PHACTR2: variants seen among roughly 807,000 people sequenced by gnomAD.
PHACTR2 encodes the protein chromosome 6 open reading frame 56.
In PHACTR2, 30 loss-of-function variants were observed where a neutral mutation model predicts 76.0. That is an observed-to-expected ratio of 0.39 (90% CI 0.30 to 0.54). The LOEUF (loss-of-function observed/expected upper bound fraction) is 0.54. Ranked by LOEUF, PHACTR2 falls within the 20% of genes least tolerant of loss-of-function variation. PHACTR2 has a pLI of 0.61. For missense variants in PHACTR2, 696 were observed against 781.1 expected (o/e 0.89, Z 1.30); for synonymous variants, 292 against 292.5 (o/e 1.00, Z 0.02).
At chr6:143,732,379 A>G (rs1055191217) in intron 2 of PHACTR2, among the ~76,000 whole-genome samples, 1 of 152,222 alleles carries the variant, frequency 6.6e-6, no homozygotes, top group African/African-American at 2.4e-5. Context: ...CATACAATAC[A>G]TATGTGGTCT....
intron 2 of PHACTR2, among the ~76,000 whole-genome samples, chr6:143,737,770 G>A (rs982644408): frequency 3.9e-5 from 6 of 152,130 alleles, no homozygotes; most frequent in African/African-American, 1.4e-4. Context: ...ATCACTGCAG[G>A]GTTGGGCAGG....
intron 6 of PHACTR2, among the ~76,000 whole-genome samples, chr6:143,766,751 C>G (rs753582960): frequency 1.3e-5 from 2 of 152,212 alleles, no homozygotes; most frequent in Admixed American, 6.5e-5. Flanking sequence ...GGTCCTCATT[C>G]TCTTTCATTC....
rs1212515243 is a variant in PHACTR2 at position 143,800,046 on chromosome 6, T to C, written c.1846-7011T>C. ...TCTTTGTAAGTCTCTAAGAACTTGCTTTATGAATCTGGTGCTCGTGTACTG... is the reference window on the plus strand; with the variant it reads ...TCTTTGTAAGTCTCTAAGAACTTGCCTTATGAATCTGGTGCTCGTGTACTG... On this transcript the variant is annotated intron_variant, in intron 11 of 12. Transcript: ENST00000440869. This position sits in a 1 kb window ranked among gnomAD's most constrained non-coding sequence, Gnocchi z 4.8. 6.6e-6 allele frequency among the ~76,000 whole-genome samples: 1 copy of C among 152,224 alleles called. No homozygotes were observed. The highest frequency in any genetic ancestry group is 2.4e-5 in the African/African-American group (1 of 41,450).
At chr6:143,651,223 C>G (rs991402830) in intron 1 of PHACTR2, among the ~76,000 whole-genome samples, 1 of 152,102 alleles carries the variant, frequency 6.6e-6, no homozygotes, top group Non-Finnish European at 1.5e-5. Flanking sequence ...GAAAAAGGAA[C>G]ACTCTTACAC....
At chr6:143,574,021 G>C (rs1045061730) in intron 1 of PHACTR2, among the ~76,000 whole-genome samples, 2 of 152,236 alleles carry the variant, frequency 1.3e-5, no homozygotes, top group African/African-American at 4.8e-5. Context: ...TCTCTGCTTA[G>C]GGTCTTGCCA....
Position 143,811,969 on chromosome 6 carries a change from A to T in PHACTR2, c.1922+4836A>T, listed in dbSNP as rs930342011. Among the ~76,000 whole-genome samples, 2 of 152,198 alleles carry T rather than the reference A, an allele frequency of 1.3e-5. No homozygotes were observed. Among genetic ancestry groups the T allele is most frequent in the African/African-American group, 4.8e-5 (2 of 41,448 alleles). On this transcript the variant is annotated intron_variant, in intron 12 of 12. Coordinates refer to ENST00000440869, the MANE Select transcript of PHACTR2 (RefSeq NM_001100164.2). The surrounding 1 kb of genome is among the most constrained non-coding windows in gnomAD (Gnocchi z 4.1). ...ACCTTGCCCTTTCAATGCAACCTAG[A>T]TACACAGCAGCTCTCCTTTCCTCTT...
At position 143,543,516 on chromosome 6, in the gene PHACTR2, G is replaced by A. The variant is rs1048850901; in HGVS notation, c.217+6309G>A. 2.0e-5 allele frequency among the ~76,000 whole-genome samples: 3 copies of A among 152,178 alleles called. No individual in the cohort carries two copies. The highest frequency in any genetic ancestry group is 2.1e-4 in the South Asian group (1 of 4,818). ...GCCTGGGGGAGAACCTAGGATGGTC[G>A]GCTATAGGGAATGGCTGTGGGGAGA... On this transcript the variant is annotated intron_variant, in intron 1 of 11. Coordinates refer to the PHACTR2 transcript ENST00000367584. The surrounding 1 kb of genome is among the most constrained non-coding windows in gnomAD (Gnocchi z 4.7).
intron 1 of PHACTR2, among the ~76,000 whole-genome samples, chr6:143,626,047 G>A (rs562156199): frequency 2.2e-4 from 34 of 152,164 alleles, no homozygotes; most frequent in African/African-American, 7.7e-4. Context: ...AGTTTCAGGT[G>A]AACGCTATTT....
At position 143,537,117 on chromosome 6, in the gene PHACTR2, G is replaced by C; in HGVS notation, c.127G>C (p.Gly43Arg). The C allele has an allele frequency of 3.3e-6, 1 of 301,162 alleles. No individual in the cohort carries two copies. 18.7% of individuals were successfully genotyped at this position (301,162 alleles called of 1,614,324 possible). A position where few individuals can be genotyped will look rare whatever the true frequency, so the allele number is the denominator to read the frequency against. Residue 43 changes from glycine (G) to arginine (R), a missense_variant, in exon 1 of 12, where the codon GGG (glycine) becomes CGG (arginine). Physicochemically the swap from Gly to Arg is moderately radical, Grantham distance 125. Coordinates refer to the PHACTR2 transcript ENST00000367584. This position sits in a 1 kb window ranked among gnomAD's most constrained non-coding sequence, Gnocchi z 4.4. Reference sequence around the variant, plus strand: ...GGCGCCTGCCCTGCGCTGGCTTCCCGGGGACCCGAGCCCCCGCGGCCGCTC... The same window carrying C: ...GGCGCCTGCCCTGCGCTGGCTTCCCCGGGACCCGAGCCCCCGCGGCCGCTC...
At position 143,557,552 on chromosome 6, in the gene PHACTR2, C is replaced by T. The variant is rs559292690; in HGVS notation, c.217+20345C>T. The T allele has an allele frequency of 8.5e-5, 13 of 152,282 alleles. No individual in the cohort carries two copies. The East Asian group carries it at 1.6e-3, about 18-fold the overall frequency. 9.4% of individuals were successfully genotyped at this position (152,282 alleles called of 1,614,324 possible). On this transcript the variant is annotated intron_variant, in intron 1 of 11. Transcript: ENST00000367584. The surrounding 1 kb of genome is among the most constrained non-coding windows in gnomAD (Gnocchi z 5.5). ...ATACCTTCCTGCTAAGATGGCTCACCCTCACCACACAGGGTCTCGATTTTT... is the reference window on the plus strand; with the variant it reads ...ATACCTTCCTGCTAAGATGGCTCACTCTCACCACACAGGGTCTCGATTTTT...
chr6:143,564,722 A>G (rs1337494211), intron 1 of PHACTR2, among the ~76,000 whole-genome samples: 1 of 152,204 alleles, frequency 6.6e-6, no homozygotes, highest in East Asian at 1.9e-4. Context: ...ATCGGACGGC[A>G]GTTCTCGGAA....
chr6:143,688,404 T>C lies in PHACTR2; in HGVS notation c.46+10195T>C, dbSNP rs1236485490. ...ACTCTCAACTCCCAGAGTTACCCAG[T>C]TTGTGTCTGCAACTCTGACCTTTCT... On this transcript the variant is annotated intron_variant, in intron 1 of 12. Coordinates refer to ENST00000440869, the MANE Select transcript of PHACTR2 (RefSeq NM_001100164.2). This position sits in a 1 kb window ranked among gnomAD's most constrained non-coding sequence, Gnocchi z 5.2. Among the ~76,000 whole-genome samples, 1 of 152,014 alleles carries C rather than the reference T, an allele frequency of 6.6e-6. No individual in the cohort carries two copies. Among genetic ancestry groups the C allele is most frequent in the Non-Finnish European group, 1.5e-5 (1 of 68,026 alleles).
intron 1 of PHACTR2, among the ~76,000 whole-genome samples, chr6:143,705,717 TA>T (rs1303841598): frequency 6.6e-6 from 1 of 152,218 alleles, no homozygotes; most frequent in Non-Finnish European, 1.5e-5. Context: ...CCATTCTCCT[TA>T]TATCATATCA....
In PHACTR2 at chr6:143,580,508, C is replaced by G. The variant is rs1261621970; in HGVS notation, c.217+43301C>G. 1.3e-5 allele frequency among the ~76,000 whole-genome samples: 1 copy of G among 74,552 alleles called. No homozygotes were observed. Among genetic ancestry groups the G allele is most frequent in the Non-Finnish European group, 2.7e-5 (1 of 36,472 alleles). The allele number at this position is 74,552 out of a possible 152,430, so 48.9% of individuals were successfully genotyped here. A position where few individuals can be genotyped will look rare whatever the true frequency, so the allele number is the denominator to read the frequency against. On this transcript the variant is annotated intron_variant, in intron 1 of 11. Coordinates refer to the PHACTR2 transcript ENST00000367584. The surrounding 1 kb of genome is among the most constrained non-coding windows in gnomAD (Gnocchi z 4.2). ...TCAAACAAAACAAAACAAAACAAAA[C>G]AAAAAATACAAACAATTAGCTGGGC...
rs1775771314 is a variant in PHACTR2, at chr6:143,597,872, C to A, written c.217+60665C>A. 6.6e-6 allele frequency among the ~76,000 whole-genome samples: 1 copy of A among 152,152 alleles called. No homozygotes were observed. The highest frequency in any genetic ancestry group is 2.4e-5 in the African/African-American group (1 of 41,440). On this transcript the variant is annotated intron_variant, in intron 1 of 11. Transcript: ENST00000367584. The surrounding 1 kb of genome is among the most constrained non-coding windows in gnomAD (Gnocchi z 5.7). ...ATTCTCTTTCATTACCTGCTCAAAGCCCATTGCTGGTGCCCTTCCTGATGC... is the reference window on the plus strand; with the variant it reads ...ATTCTCTTTCATTACCTGCTCAAAGACCATTGCTGGTGCCCTTCCTGATGC...
Position 143,541,671 on chromosome 6 carries a change from G to C in PHACTR2, c.217+4464G>C, listed in dbSNP as rs553956877. Among the ~76,000 whole-genome samples the C allele has an allele frequency of 2.0e-5, 3 of 152,222 alleles. No homozygotes were observed. Among genetic ancestry groups the C allele is most frequent in the Admixed American group, 6.5e-5 (1 of 15,288 alleles). ...TCTTTTTCTCAAATCTTTAATTCCT[G>C]GTGTGTTCAGTGCTGAGTGGAAGTG... On this transcript the variant is annotated intron_variant, in intron 1 of 11. Transcript: ENST00000367584. This position sits in a 1 kb window ranked among gnomAD's most constrained non-coding sequence, Gnocchi z 5.3.
At position 143,731,662 on chromosome 6, in the gene PHACTR2, C is replaced by A. The variant is rs988293515; in HGVS notation, c.215-17323C>A. 1.3e-5 allele frequency among the ~76,000 whole-genome samples: 2 copies of A among 152,138 alleles called. No individual in the cohort carries two copies. Among genetic ancestry groups the A allele is most frequent in the African/African-American group, 4.8e-5 (2 of 41,418 alleles). Reference sequence around the variant, plus strand: ...ATTGAATAATATTTTGTTGAGGATTCATGGTATTGATCTGTAGTGTTCTTG... The same window carrying A: ...ATTGAATAATATTTTGTTGAGGATTAATGGTATTGATCTGTAGTGTTCTTG... On this transcript the variant is annotated intron_variant, in intron 2 of 12. Coordinates refer to ENST00000440869, the MANE Select transcript of PHACTR2 (RefSeq NM_001100164.2). The surrounding 1 kb of genome is among the most constrained non-coding windows in gnomAD (Gnocchi z 4.9).
Position 143,761,862 on chromosome 6 carries a change from T to C in PHACTR2, c.694+1222T>C, listed in dbSNP as rs1779450931. Among the ~76,000 whole-genome samples the C allele has an allele frequency of 6.6e-6, 1 of 152,250 alleles. No homozygotes were observed. Reference sequence around the variant, plus strand: ...TTCCTCTCATAATGTATGACCATAATGCTCAAATTCAGAGAGCGGTTTAGT... The same window carrying C: ...TTCCTCTCATAATGTATGACCATAACGCTCAAATTCAGAGAGCGGTTTAGT... On this transcript the variant is annotated intron_variant, in intron 5 of 12. Coordinates refer to ENST00000440869, the MANE Select transcript of PHACTR2 (RefSeq NM_001100164.2). The surrounding 1 kb of genome is among the most constrained non-coding windows in gnomAD (Gnocchi z 5.2).
intron 1 of PHACTR2, among the ~76,000 whole-genome samples, chr6:143,559,424 G>A (rs960858464): frequency 1.2e-4 from 19 of 152,156 alleles, no homozygotes; most frequent in African/African-American, 4.1e-4. Context: ...GGATTCATGA[G>A]TTATTTATTA....
Sources: gnomAD v4.1 joint callset for allele counts (sites outside exome capture counted in the v4.1 genomes callset) on GRCh38, gnomAD v4.1.1 for gene constraint, Gnocchi (gnomAD v3.1) non-coding constraint, MANE v1.5 for transcripts, NCBI Gene and HGNC (gene_info 2026-07-23, HGNC 2026-07-21) for gene names.